The following DENND1A variants were observed in gnomAD, a reference collection of about 807,000 sequenced individuals.
The protein encoded by DENND1A is DENN domain containing 1A.
A neutral mutation model predicts 113.7 loss-of-function variants in DENND1A; 51 were observed. The ratio of observed to expected loss-of-function variants is 0.45; its 90% CI spans 0.36 to 0.57. The LOEUF is 0.57. DENND1A is among the 20% of genes least tolerant of loss of function. DENND1A has a pLI of 0.00. For synonymous variants in DENND1A, 565 were observed against 570.8 expected (o/e 0.99, Z 0.14); for missense variants, 1,258 against 1,395.9 (o/e 0.90, Z 1.57).
intron 11 of DENND1A, among the ~76,000 whole-genome samples, chr9:123,609,181 T>G (rs1202080323): frequency 6.6e-6 from 1 of 152,244 alleles, no homozygotes; most frequent in African/African-American, 2.4e-5. Context: ...TAAAGAACCC[T>G]TTCCTCCTGC....
chr9:123,904,731 G>A (rs1852427680), intron 1 of DENND1A, among the ~76,000 whole-genome samples: 1 of 151,516 alleles, frequency 6.6e-6, no homozygotes, highest in Non-Finnish European at 1.5e-5. Context: ...ATCTACGCCT[G>A]ATTGGTGTAC....
chr9:123,527,412 A>G (rs1211404874), intron 13 of DENND1A, among the ~76,000 whole-genome samples: 1 of 152,154 alleles, frequency 6.6e-6, no homozygotes, highest in Non-Finnish European at 1.5e-5. Context: ...TTCATGATGT[A>G]GCTTATAAGG....
intron 7 of DENND1A, among the ~76,000 whole-genome samples, chr9:123,669,862 T>A (rs2063679126): frequency 6.6e-6 from 1 of 152,190 alleles, no homozygotes. Context: ...TGTAAATTCA[T>A]TTTTTCTTCC....
intron 5 of DENND1A, among the ~76,000 whole-genome samples, chr9:123,689,656 A>G (rs1228414055): frequency 6.6e-6 from 1 of 152,130 alleles, no homozygotes; most frequent in African/African-American, 2.4e-5. Context: ...ATATGGGAAA[A>G]TGTCCATAAA....
chr9:123,806,836 A>C (rs75727459), intron 2 of DENND1A, among the ~76,000 whole-genome samples: 10,974 of 152,284 alleles, frequency 0.072, 582 homozygotes, highest in African/African-American at 0.15. Context: ...AAAGGGAGTA[A>C]TACCCTTTCT....
chr9:123,606,177 GA>G (rs768864853), intron 11 of DENND1A, among the ~76,000 whole-genome samples: 3 of 152,208 alleles, frequency 2.0e-5, no homozygotes, highest in Non-Finnish European at 2.9e-5. Context: ...AATCTGAGCT[GA>G]AATTCCAGGG....
In DENND1A at chr9:123,422,158, G is replaced by A. The variant is rs571185527; in HGVS notation, c.1489-10329C>T. Among the ~76,000 whole-genome samples the A allele has an allele frequency of 7.2e-5, 11 of 152,318 alleles. No homozygotes were observed. Among genetic ancestry groups the A allele is most frequent in the Non-Finnish European group, 1.5e-4 (10 of 68,024 alleles). The stretch of plus-strand genomic sequence containing the variant: ...GCTCCTGGCACAAGGCCTGGCACGC[G>A]GTCAAGTTAAAGTAAATGGCTGCCC... On this transcript the variant is annotated intron_variant, in intron 19 of 23. Coordinates refer to ENST00000394215, the MANE Select transcript of DENND1A (RefSeq NM_001352964.2). This position sits in a 1 kb window ranked among gnomAD's most constrained non-coding sequence, Gnocchi z 4.8.
At chr9:123,616,788 C>T (rs1564823090) in intron 10 of DENND1A, among the ~76,000 whole-genome samples, 1 of 152,206 alleles carries the variant, frequency 6.6e-6, no homozygotes, top group Non-Finnish European at 1.5e-5. Flanking sequence ...GTGTTTTCCA[C>T]AGGCCGGTTA....
chr9:123,802,779 C>T (rs571797074), intron 2 of DENND1A, among the ~76,000 whole-genome samples: 7 of 152,076 alleles, frequency 4.6e-5, no homozygotes, highest in East Asian at 3.9e-4. Flanking sequence ...CTCGGCTCAC[C>T]GCAACCTTCG....
chr9:123,917,653 AC>A (rs972123128), intron 1 of DENND1A, among the ~76,000 whole-genome samples: 1 of 151,976 alleles, frequency 6.6e-6, no homozygotes, highest in African/African-American at 2.4e-5. Flanking sequence ...TAGCAAACCC[AC>A]CCCATCCCCA....
In DENND1A at chr9:123,574,173, CTTT is replaced by C. The variant is rs542615815; in HGVS notation, c.867+8993_867+8995del. 1.2e-3 allele frequency among the ~76,000 whole-genome samples: 131 copies of C among 110,112 alleles called. 1 individual carries two copies. The highest frequency in any genetic ancestry group is 4.1e-3 in the African/African-American group (119 of 28,834). 72.2% of individuals were successfully genotyped at this position (110,112 alleles called of 152,430 possible). On this transcript the variant is annotated intron_variant, in intron 12 of 23. Transcript: ENST00000394215. ...TGCATCTATATTGGTCTGTAGTTGCCTTTTTTTTTTTTTTTTTTGTTTGTAAAT... is the reference window on the plus strand; with the variant it reads ...TGCATCTATATTGGTCTGTAGTTGCCTTTTTTTTTTTTTTTGTTTGTAAAT...
intron 19 of DENND1A, among the ~76,000 whole-genome samples, chr9:123,425,100 C>G (rs2045611655): frequency 6.6e-6 from 1 of 152,234 alleles, no homozygotes. Context: ...AGCTGACTCT[C>G]TAAGGTGATC....
chr9:123,778,544 T>C (rs548134642), intron 3 of DENND1A, among the ~76,000 whole-genome samples: 17 of 152,354 alleles, frequency 1.1e-4, no homozygotes, highest in Non-Finnish European at 1.5e-4. Context: ...GTGTAACTTA[T>C]AACCTAAGGA....
intron 2 of DENND1A, among the ~76,000 whole-genome samples, chr9:123,823,839 C>T (rs72757140): frequency 1.7e-3 from 254 of 152,110 alleles, no homozygotes; most frequent in Admixed American, 3.8e-3. Flanking sequence ...CCAAGAGAGA[C>T]GGAGGGAAAA....
chr9:123,530,739 T>C (rs2055227761), intron 13 of DENND1A, among the ~76,000 whole-genome samples: 2 of 152,214 alleles, frequency 1.3e-5, no homozygotes, highest in South Asian at 4.1e-4. Context: ...ACCCTCAGTG[T>C]ATACCTGAAA....
At position 123,507,265 on chromosome 9, in the gene DENND1A, G is replaced by A. The variant is rs189497422; in HGVS notation, c.994-49368C>T. ...TAACTGTGCTAAGAGGAACAAGGTT[G>A]TTGTAACCACTACTGTTTTTCTTAT... On this transcript the variant is annotated intron_variant, in intron 13 of 23. Transcript: ENST00000394215. Among the ~76,000 whole-genome samples, 66 of 152,350 alleles carry A rather than the reference G, an allele frequency of 4.3e-4. 1 individual carries two copies. Among genetic ancestry groups the A allele is most frequent in the African/African-American group, 1.3e-3 (54 of 41,592 alleles).
intron 19 of DENND1A, among the ~76,000 whole-genome samples, chr9:123,432,875 A>G (rs2046238570): frequency 6.6e-6 from 1 of 152,160 alleles, no homozygotes; most frequent in Non-Finnish European, 1.5e-5. Flanking sequence ...GCCTGGTGGC[A>G]CTGGGCCTCC....
At chr9:123,733,888 G>C (rs924138511) in intron 5 of DENND1A, among the ~76,000 whole-genome samples, 3 of 151,938 alleles carry the variant, frequency 2.0e-5, no homozygotes, top group Non-Finnish European at 4.4e-5. Flanking sequence ...GGCTGGTCTC[G>C]AAGTCCTGAC....
chr9:123,728,728 AC>A (rs1215897364), intron 5 of DENND1A, among the ~76,000 whole-genome samples: 1 of 152,176 alleles, frequency 6.6e-6, no homozygotes, highest in Non-Finnish European at 1.5e-5. Context: ...CTATGATGCC[AC>A]GATTAAGACA....
Sources: allele counts gnomAD v4.1 joint callset (sites outside exome capture counted in the v4.1 genomes callset), GRCh38; gene constraint gnomAD v4.1.1; non-coding constraint Gnocchi (gnomAD v3.1); transcripts MANE v1.5; gene names NCBI Gene and HGNC (gene_info 2026-07-23, HGNC 2026-07-21).